The following PCDH11X variants were observed in gnomAD, a reference collection of about 807,000 sequenced individuals.
The protein encoded by PCDH11X is protocadherin-11 X-linked.
In PCDH11X, 18 loss-of-function variants were observed where a neutral mutation model predicts 53.3. The ratio of observed to expected loss-of-function variants is 0.34; its 90% confidence interval spans 0.23 to 0.50. The LOEUF (loss-of-function observed/expected upper bound fraction) is 0.50. PCDH11X is among the 20% of genes least tolerant of loss of function. The pLI is 0.98. For missense variants in PCDH11X, 570 were observed against 1,032.4 expected (o/e 0.55, Z 6.14); for synonymous variants, 279 against 393.3 (o/e 0.71, Z 3.44).
chrX:92,219,867 A>C lies in PCDH11X; in HGVS notation c.3114+18412A>C, dbSNP rs1331622928. ...AAACAGAGATATAGATCAATGGAAC[A>C]GAACAGAGCCCTCAGAAATAATGCC... On this transcript the variant is annotated intron_variant, in intron 7 of 10. Coordinates refer to ENST00000682573, the MANE Select transcript of PCDH11X (RefSeq NM_032968.5). Among the ~76,000 whole-genome samples, 81 of 48,129 alleles carry C rather than the reference A, an allele frequency of 1.7e-3. 1 individual carries two copies. The highest frequency in any genetic ancestry group is 2.7e-3 in the Non-Finnish European group (60 of 22,323). 41.8% of individuals were successfully genotyped at this position (48,129 alleles called of 115,157 possible). A position where few individuals can be genotyped will look rare whatever the true frequency, so the allele number is the denominator to read the frequency against.
chrX:92,510,919 T>A (rs1308085082), intron 10 of PCDH11X, among the ~76,000 whole-genome samples: 1 of 111,872 alleles, frequency 8.9e-6, no homozygotes, highest in Non-Finnish European at 1.9e-5. Context: ...TTATCTCAAG[T>A]TTATCTCTAA....
chrX:92,302,487 C>T (rs762945692), intron 8 of PCDH11X, among the ~76,000 whole-genome samples: 6 of 111,217 alleles, frequency 5.4e-5, no homozygotes, highest in African/African-American at 2.0e-4. Context: ...CAAGGGATTA[C>T]ATCCATGGAA....
At chrX:92,528,370 G>A (rs5942284) in intron 10 of PCDH11X, among the ~76,000 whole-genome samples, 26,757 of 108,495 alleles carry the variant, frequency 0.25, 2,568 homozygotes, top group East Asian at 0.63. Flanking sequence ...TTGGCTTACC[G>A]CAACCTCCGC....
Position 92,618,349 on chromosome X carries a change from C to T in PCDH11X, c.3453C>T (p.Ala1151=). 1 of 1,211,844 alleles carries T rather than the reference C, an allele frequency of 8.3e-7. No individual in the cohort carries two copies. The highest frequency in any genetic ancestry group is 1.1e-6 in the Non-Finnish European group (1 of 895,432). Residue 1151 remains alanine (A), a synonymous_variant, in exon 11 of 11, where the codon GCC becomes GCT. Coordinates refer to ENST00000682573, the MANE Select transcript of PCDH11X (RefSeq NM_032968.5). ...QECLIYGHSD[A]CWMPASLDHS... The stretch of plus-strand genomic sequence containing the variant: ...GTCTCATCTATGGCCATTCTGATGC[C>T]TGCTGGATGCCGGCATCTCTGGATC...
intron 7 of PCDH11X, among the ~76,000 whole-genome samples, chrX:92,250,701 A>G (rs1316506661): frequency 1.8e-5 from 2 of 108,477 alleles, no homozygotes; most frequent in Non-Finnish European, 3.8e-5. Flanking sequence ...ATGCTACAAT[A>G]TGGATAAATC....
intron 8 of PCDH11X, among the ~76,000 whole-genome samples, chrX:92,284,809 G>A (rs1014481162): frequency 3.6e-5 from 4 of 111,953 alleles, no homozygotes; most frequent in Non-Finnish European, 5.6e-5. Flanking sequence ...TGTTGCAGAA[G>A]CATCTAAAAA....
At chrX:92,271,901 T>G (rs1315137756) in intron 8 of PCDH11X, among the ~76,000 whole-genome samples, 1 of 112,364 alleles carries the variant, frequency 8.9e-6, no homozygotes, top group African/African-American at 3.2e-5. Context: ...TATATGTCCC[T>G]TAAGCATTAT....
chrX:91,818,798 C>CCACTTGTT (rs1936537530), intron 4 of PCDH11X, among the ~76,000 whole-genome samples: 1 of 111,237 alleles, frequency 9.0e-6, no homozygotes, highest in East Asian at 2.8e-4. Flanking sequence ...TGCATTTCAA[C>CCACTTGTT]TATTGTTTAG....
intron 6 of PCDH11X, among the ~76,000 whole-genome samples, chrX:91,940,483 G>A (rs2061495768): frequency 1.8e-5 from 2 of 111,387 alleles, no homozygotes; most frequent in African/African-American, 6.5e-5. Context: ...AAGTGTGTGT[G>A]TGCATGGGCA....
At chrX:92,229,763 C>A (rs1276296049) in intron 7 of PCDH11X, among the ~76,000 whole-genome samples, 1 of 111,255 alleles carries the variant, frequency 9.0e-6, no homozygotes, top group Non-Finnish European at 1.9e-5. Context: ...GAAATCAAAA[C>A]ACTGAAGGAA....
chrX:91,958,703 T>C (rs2061743122), intron 6 of PCDH11X, among the ~76,000 whole-genome samples: 1 of 110,569 alleles, frequency 9.0e-6, no homozygotes, highest in Non-Finnish European at 1.9e-5. Context: ...GATATTTCAA[T>C]TGAAGATGCT....
Position 92,295,687 on chromosome X carries a change from G to C in PCDH11X, c.3144+32544G>C, listed in dbSNP as rs1283847546. Among the ~76,000 whole-genome samples the C allele has an allele frequency of 3.9e-5, 4 of 101,287 alleles. 1 individual carries two copies. Among genetic ancestry groups the C allele is most frequent in the Middle Eastern group, 0.01 (2 of 194 alleles). 88.0% of individuals were successfully genotyped at this position (101,287 alleles called of 115,157 possible). A position where few individuals can be genotyped will look rare whatever the true frequency, so the allele number is the denominator to read the frequency against. ...GTTCAGAAAGTTTTCTTCTATTCCT[G>C]GTGTGTTGAATATTATCCCCATAAA... On this transcript the variant is annotated intron_variant, in intron 8 of 10. Coordinates refer to ENST00000682573, the MANE Select transcript of PCDH11X (RefSeq NM_032968.5).
intron 5 of PCDH11X, among the ~76,000 whole-genome samples, chrX:91,848,207 T>G (rs1275782768): frequency 1.8e-5 from 2 of 108,821 alleles, no homozygotes; most frequent in Non-Finnish European, 3.8e-5. Context: ...TTTTTTTGTT[T>G]TTTTTTTTTC....
chrX:92,329,501 G>C (rs1206299590), intron 8 of PCDH11X, among the ~76,000 whole-genome samples: 1 of 111,527 alleles, frequency 9.0e-6, no homozygotes, highest in East Asian at 2.8e-4. Context: ...AAAGAAATGA[G>C]TACATCAAAA....
At chrX:92,077,763 C>A (rs1383111664) in intron 6 of PCDH11X, among the ~76,000 whole-genome samples, 1 of 110,584 alleles carries the variant, frequency 9.0e-6, no homozygotes, top group Admixed American at 9.7e-5. Context: ...TAGGAGTATT[C>A]CTAGACTAGT....
At chrX:92,491,235 G>A (rs1434224559) in intron 10 of PCDH11X, among the ~76,000 whole-genome samples, 2 of 110,987 alleles carry the variant, frequency 1.8e-5, no homozygotes, top group Non-Finnish European at 3.8e-5. Context: ...ACAGCAAGGA[G>A]AAAGAGAATG....
chrX:91,846,132 C>T (rs1026783927), intron 5 of PCDH11X, among the ~76,000 whole-genome samples: 5 of 111,319 alleles, frequency 4.5e-5, no homozygotes, highest in Admixed American at 9.6e-5. Context: ...AAAATAGTGA[C>T]TGGCCTTATT....
chrX:92,555,896 G>T (rs777111244), intron 10 of PCDH11X, among the ~76,000 whole-genome samples: 1 of 111,651 alleles, frequency 9.0e-6, no homozygotes, highest in South Asian at 3.8e-4. Flanking sequence ...AAGGTAAGAG[G>T]TATAATTGAC....
intron 10 of PCDH11X, among the ~76,000 whole-genome samples, chrX:92,524,643 T>C (rs188292804): frequency 9.2e-6 from 1 of 109,170 alleles, no homozygotes; most frequent in African/African-American, 3.3e-5. Context: ...GACCTTTTTT[T>C]TTTCTAAGAC....
Sources: allele counts gnomAD v4.1 joint callset (sites outside exome capture counted in the v4.1 genomes callset), GRCh38; gene constraint gnomAD v4.1.1; transcripts MANE v1.5; gene names NCBI Gene and HGNC (gene_info 2026-07-23, HGNC 2026-07-21).